Variants in SBF2 observed in about 807,000 individuals in gnomAD.
SBF2 encodes the protein myotubularin-related protein 13.
A neutral mutation model predicts 225.2 loss-of-function variants in SBF2; 112 were observed. The ratio of observed to expected loss-of-function variants is 0.50; its 90% CI spans 0.43 to 0.58. The LOEUF (loss-of-function observed/expected upper bound fraction) is 0.58. SBF2 is among the 20% of genes least tolerant of loss of function. The pLI, the probability that SBF2 is intolerant of heterozygous loss-of-function variation, is 0.00. For missense variants in SBF2, 1,996 were observed against 2,206.2 expected, an observed-to-expected ratio of 0.90 and a Z score of 1.91; for synonymous variants, 763 against 773.3, an observed-to-expected ratio of 0.99 and a Z score of 0.22.
intron 16 of SBF2, among the ~76,000 whole-genome samples, chr11:9,936,205 C>T (rs1468205614): frequency 2.0e-5 from 3 of 152,210 alleles, no homozygotes; most frequent in Non-Finnish European, 4.4e-5. Flanking sequence ...TGAAAGAATG[C>T]TCATCATCAT....
intron 1 of SBF2, among the ~76,000 whole-genome samples, chr11:10,215,403 T>C (rs1297897839): frequency 1.3e-5 from 2 of 152,222 alleles, no homozygotes; most frequent in African/African-American, 4.8e-5. Flanking sequence ...ATAATGCAGT[T>C]CCCTGAGCAT....
chr11:10,063,933 A>G (rs867297654), intron 2 of SBF2, among the ~76,000 whole-genome samples: 1 of 152,070 alleles, frequency 6.6e-6, no homozygotes, highest in Non-Finnish European at 1.5e-5. Context: ...GGCCTAAAAT[A>G]TAAGTAACAG....
intron 1 of SBF2, among the ~76,000 whole-genome samples, chr11:10,231,716 C>A (rs1359475990): frequency 2.0e-5 from 3 of 152,206 alleles, no homozygotes; most frequent in African/African-American, 7.2e-5. Context: ...CAGTCCACCC[C>A]TACTGGGGGG....
intron 17 of SBF2, among the ~76,000 whole-genome samples, chr11:9,894,891 A>G (rs1198664988): frequency 6.6e-6 from 1 of 152,068 alleles, no homozygotes; most frequent in Non-Finnish European, 1.5e-5. Context: ...CTGAGGCAGG[A>G]GAATCACTTG....
At chr11:9,950,280 TG>T (rs1178693243) in intron 16 of SBF2, among the ~76,000 whole-genome samples, 5 of 152,192 alleles carry the variant, frequency 3.3e-5, no homozygotes, top group Admixed American at 6.5e-5. Flanking sequence ...GAGTGTTTGA[TG>T]GCACACTGTA....
intron 13 of SBF2, among the ~76,000 whole-genome samples, chr11:9,983,388 G>A (rs947644422): frequency 3.9e-5 from 6 of 152,070 alleles, no homozygotes; most frequent in African/African-American, 1.4e-4. Context: ...AGTGAGCTGG[G>A]AATCTCACCC....
chr11:10,222,570 G>T (rs957792148), intron 1 of SBF2, among the ~76,000 whole-genome samples: 1 of 152,112 alleles, frequency 6.6e-6, no homozygotes, highest in East Asian at 1.9e-4. Flanking sequence ...ATAAATTACC[G>T]AATTTGAAGA....
intron 2 of SBF2, among the ~76,000 whole-genome samples, chr11:10,159,095 T>C (rs935477743): frequency 6.6e-6 from 1 of 150,834 alleles, no homozygotes; most frequent in Non-Finnish European, 1.5e-5. Flanking sequence ...AGACAAGCAA[T>C]TATGAAACCA....
intron 33 of SBF2, among the ~76,000 whole-genome samples, chr11:9,793,379 G>A (rs115519131): frequency 1.7e-3 from 254 of 151,870 alleles, no homozygotes; most frequent in African/African-American, 5.8e-3. Context: ...GCTCACCTGG[G>A]GAGTTTTTAT....
At chr11:10,185,634 T>A (rs1956906067) in intron 2 of SBF2, among the ~76,000 whole-genome samples, 1 of 150,488 alleles carries the variant, frequency 6.6e-6, no homozygotes, top group African/African-American at 2.4e-5. Flanking sequence ...TTTTTTTTTT[T>A]AATAGCAATA....
intron 17 of SBF2, among the ~76,000 whole-genome samples, chr11:9,886,459 T>C (rs1860309861): frequency 1.3e-5 from 2 of 152,330 alleles, no homozygotes; most frequent in Non-Finnish European, 2.9e-5. Flanking sequence ...GCTGGACTTA[T>C]CTTTCAAGTT....
intron 2 of SBF2, among the ~76,000 whole-genome samples, chr11:10,069,837 T>C (rs1228522997): frequency 6.6e-6 from 1 of 152,250 alleles, no homozygotes; most frequent in Non-Finnish European, 1.5e-5. Context: ...TCCTGACTTT[T>C]TAATGATCGC....
intron 1 of SBF2, among the ~76,000 whole-genome samples, chr11:10,300,066 T>G (rs1360268358): frequency 2.0e-5 from 3 of 152,218 alleles, no homozygotes; most frequent in African/African-American, 7.2e-5. Flanking sequence ...CCAAGTTCTT[T>G]CCCATCTCTG....
At position 9,852,692 on chromosome 11, in the gene SBF2, A is replaced by C. The variant is rs1004696608; in HGVS notation, c.2594T>G (p.Leu865Arg). The change falls in exon 21 of 40, where the codon CTT becomes CGT. Residue 865 changes from leucine to arginine, a missense_variant. Physicochemically the swap from Leu to Arg is moderately radical, Grantham distance 102. Coordinates refer to ENST00000256190, the MANE Select transcript of SBF2 (RefSeq NM_030962.4). ...TGGAATTACCTTCTGAATAGGCGGA[A>C]GTCTTCTGCTTTCTCGATGTACTGC... ...LEAVHRESRRLPPIQKPKILR... is the reference protein window; with the variant it reads ...LEAVHRESRRRPPIQKPKILR... 1 of 1,612,844 alleles carries C rather than the reference A, an allele frequency of 6.2e-7. No individual in the cohort carries two copies. Among genetic ancestry groups the C allele is most frequent in the Non-Finnish European group, 8.5e-7 (1 of 1,178,890 alleles).
chr11:10,120,255 T>G, intron 2 of SBF2, among the ~76,000 whole-genome samples: 1 of 152,238 alleles, frequency 6.6e-6, no homozygotes, highest in East Asian at 1.9e-4. Context: ...TTATAGCATG[T>G]AATAGGATTT....
chr11:9,916,601 T>TC (rs756586793), intron 16 of SBF2, among the ~76,000 whole-genome samples: 1 of 149,576 alleles, frequency 6.7e-6, no homozygotes, highest in Non-Finnish European at 1.5e-5. Context: ...TCTTTTCCTT[T>TC]TTTTTCTTTT....
chr11:10,161,581 T>TACAC lies in SBF2; in HGVS notation c.141+32317_141+32320dup, dbSNP rs1955738453. Among the ~76,000 whole-genome samples the TACAC allele has an allele frequency of 5.3e-5, 8 of 152,260 alleles. No homozygotes were observed. In the South Asian group the frequency reaches 1.7e-3, roughly 32 times the overall value. ...TGGCAATATGCCTAACTCAAACAAA[T>TACAC]ACACACTAAATTTCTCTGCCTCCTT... On this transcript the variant is annotated intron_variant, in intron 2 of 39. Coordinates refer to ENST00000256190, the MANE Select transcript of SBF2 (RefSeq NM_030962.4).
intron 2 of SBF2, among the ~76,000 whole-genome samples, chr11:10,172,871 C>T (rs577218042): frequency 6.6e-6 from 1 of 152,110 alleles, no homozygotes; most frequent in African/African-American, 2.4e-5. Flanking sequence ...TTTTGCCATG[C>T]TGGCCAGGCT....
At chr11:9,790,878 T>C (rs902351656) in intron 33 of SBF2, 195 bp from the exon 34 acceptor site, 1 of 484,118 alleles carries the variant, frequency 2.1e-6, no homozygotes, top group Non-Finnish European at 3.7e-6. Context: ...GGGAAACAGA[T>C]CCAGATGGAG....
Sources: allele counts gnomAD v4.1 joint callset (sites outside exome capture counted in the v4.1 genomes callset), GRCh38; gene constraint gnomAD v4.1.1; transcripts MANE v1.5; gene names NCBI Gene and HGNC (gene_info 2026-07-23, HGNC 2026-07-21).